Variants in GLB1 observed in about 807,000 individuals in gnomAD.
GLB1 encodes the protein galactosidase beta 1.
A neutral mutation model predicts 74.0 loss-of-function variants in GLB1; 56 were observed. The ratio of observed to expected loss-of-function variants is 0.76; its 90% CI spans 0.61 to 0.94. The LOEUF (loss-of-function observed/expected upper bound fraction) is 0.94. GLB1 is among the 40% of genes least tolerant of loss of function. GLB1 has a pLI of 0.00. For synonymous variants in GLB1, 323 were observed against 323.6 expected (o/e 1.00, Z 0.02); for missense variants, 787 against 845.5 (o/e 0.93, Z 0.86).
Position 33,028,697 on chromosome 3 carries a change from C to T in GLB1, c.1069-4372G>A, listed in dbSNP as rs968559675. ...TTTTTTTTTTTGATACGGAGTTTCG[C>T]TCTTGTTGCCCAGGCTGGAGTGCAA... On this transcript the variant is annotated intron_variant, in intron 10 of 15. Transcript: ENST00000307363. 4.7e-5 allele frequency among the ~76,000 whole-genome samples: 7 copies of T among 148,260 alleles called. No individual in the cohort carries two copies. In the East Asian group the frequency reaches 1.4e-3, roughly 29 times the overall value.
At chr3:32,990,031 C>T in the GLB1 span, among the ~76,000 whole-genome samples, 1 of 152,070 alleles carries the variant, frequency 6.6e-6, no homozygotes, top group Admixed American at 6.6e-5. Context: ...TGAAAATAAC[C>T]AATTTTTCAG....
intron 12 of GLB1, among the ~76,000 whole-genome samples, chr3:33,019,811 A>T (rs541033603): frequency 2.0e-5 from 3 of 152,278 alleles, no homozygotes; most frequent in African/African-American, 7.2e-5. Flanking sequence ...GGTGTGGCTG[A>T]GGCTCAGGGG....
chr3:33,091,352 C>A, intron 1 of GLB1: 1 of 985,448 alleles, frequency 1.0e-6, no homozygotes, highest in Non-Finnish European at 1.2e-6. Flanking sequence ...GGAAGAAACC[C>A]CCTTTGCCTG....
intron 10 of GLB1, among the ~76,000 whole-genome samples, chr3:33,038,887 G>GA (rs1158310558): frequency 6.6e-6 from 1 of 151,998 alleles, no homozygotes. Flanking sequence ...TCTTTTGGAA[G>GA]AAAAAACATA....
At chr3:32,980,917 C>A in the GLB1 span, among the ~76,000 whole-genome samples, 2 of 151,762 alleles carry the variant, frequency 1.3e-5, no homozygotes, top group African/African-American at 4.8e-5. Context: ...ATGGTGAAAT[C>A]CCATCTCTAC....
At chr3:33,077,059 A>C (rs916829874) in intron 1 of GLB1, 1 of 1,311,550 alleles carries the variant, frequency 7.6e-7, no homozygotes, top group African/African-American at 1.5e-5. Context: ...CCCTGTCTCT[A>C]TAAAAAAAAA....
intron 6 of GLB1, among the ~76,000 whole-genome samples, chr3:33,053,923 G>T (rs1413122624): frequency 6.6e-6 from 1 of 152,158 alleles, no homozygotes; most frequent in Non-Finnish European, 1.5e-5. Context: ...TGAGGCAGGA[G>T]AATTGCTTGA....
chr3:33,052,062 G>A, intron 7 of GLB1, 58 bp from the exon 8 acceptor site: 4 of 1,604,884 alleles, frequency 2.5e-6, no homozygotes, highest in Non-Finnish European at 3.4e-6. Flanking sequence ...CAATGCCAGG[G>A]CTTCCCTGCA....
Position 32,996,967 on chromosome 3 carries a change from C to A in GLB1, c.*78G>T. The A allele has an allele frequency of 6.2e-7, 1 of 1,609,434 alleles. No homozygotes were observed. The highest frequency in any genetic ancestry group is 8.5e-7 in the Non-Finnish European group (1 of 1,177,040). ...TCCTTTTCCATTTCCACATTCCAAT[C>A]AGTGAAATGTGGCATGACAGGGAGG... On this transcript the variant is annotated 3_prime_UTR_variant, in exon 16 of 16. Transcript: ENST00000307363.
chr3:33,026,509 G>C (rs568846204), intron 10 of GLB1, among the ~76,000 whole-genome samples: 1 of 152,150 alleles, frequency 6.6e-6, no homozygotes, highest in Non-Finnish European at 1.5e-5. Flanking sequence ...GGAAGGGGGC[G>C]AGTCCCTGGT....
intron 10 of GLB1, among the ~76,000 whole-genome samples, chr3:33,032,490 G>A (rs927625817): frequency 2.6e-5 from 4 of 152,078 alleles, no homozygotes; most frequent in East Asian, 1.9e-4. Flanking sequence ...GTTTTAACCT[G>A]GAAAAATCAA....
intron 5 of GLB1, among the ~76,000 whole-genome samples, chr3:33,059,245 ACACACACACACACACACACAC>A: frequency 1.1e-3 from 1 of 914 alleles, no homozygotes; most frequent in South Asian, 0.1. Context: ...TATAAAACAT[ACACACACACACACACACACAC>A]ACACACACAC....
rs761019597 is a variant in GLB1 at position 33,051,836 on chromosome 3, G to A, written c.915-38C>T. ...AAAAGAACACGGTACTTCACTGTGA[G>A]CCCATGGCTACTGAGGGCACCCTCC... On this transcript the variant is annotated intron_variant, in intron 8 of 15. Transcript: ENST00000307363. 51 of 1,614,026 alleles carry A rather than the reference G, an allele frequency of 3.2e-5. 1 individual carries two copies. Among genetic ancestry groups the A allele is most frequent in the South Asian group, 2.6e-4 (24 of 91,088 alleles).
chr3:32,996,370 T>G (rs1696310843), downstream of GLB1, among the ~76,000 whole-genome samples: 1 of 152,210 alleles, frequency 6.6e-6, no homozygotes, highest in Non-Finnish European at 1.5e-5. Context: ...GGGATCCAAT[T>G]TAAGGTAATC....
In GLB1 at chr3:33,068,176, C is replaced by A; in HGVS notation, c.457+54G>T. ...TGTCAGGATTACAGGCGTGAGCCAC[C>A]GCACCTAGGCTGAAGCTTTTATAAA... On this transcript the variant is annotated intron_variant, in intron 4 of 15. Coordinates refer to ENST00000307363, the MANE Select transcript of GLB1 (RefSeq NM_000404.4). 4 of 1,612,224 alleles carry A rather than the reference C, an allele frequency of 2.5e-6. No individual in the cohort carries two copies. In the South Asian group the frequency reaches 4.4e-5, roughly 18 times the overall value.
intron 7 of GLB1, 142 bp downstream of exon 7, chr3:33,053,349 G>C: frequency 8.5e-7 from 1 of 1,172,986 alleles, no homozygotes; most frequent in African/African-American, 1.5e-5. Flanking sequence ...TCATTCACAT[G>C]TCCAGAATGG....
chr3:33,020,601 T>C (rs1178182377), intron 12 of GLB1, among the ~76,000 whole-genome samples: 1 of 152,136 alleles, frequency 6.6e-6, no homozygotes, highest in Non-Finnish European at 1.5e-5. Context: ...AGAGAGAGAC[T>C]TAGGAACAGT....
At chr3:32,987,718 G>C in the GLB1 span, among the ~76,000 whole-genome samples, 4 of 152,324 alleles carry the variant, frequency 2.6e-5, no homozygotes, top group African/African-American at 7.2e-5. Context: ...AAGAGACTGA[G>C]AGATGGGGTG....
the GLB1 span, among the ~76,000 whole-genome samples, chr3:32,978,414 C>A: frequency 6.6e-6 from 1 of 151,970 alleles, no homozygotes; most frequent in Non-Finnish European, 1.5e-5. Flanking sequence ...TTTCCTGTTT[C>A]AATTGTTGAA....
Sources: allele counts gnomAD v4.1 joint callset (sites outside exome capture counted in the v4.1 genomes callset), GRCh38; gene constraint gnomAD v4.1.1; transcripts MANE v1.5; gene names NCBI Gene and HGNC (gene_info 2026-07-23, HGNC 2026-07-21).